The following NBEAL2 variants were observed in gnomAD, a reference collection of about 807,000 sequenced individuals.
NBEAL2 encodes the protein neurobeachin-like protein 2.
NBEAL2 carries 160 observed loss-of-function variants against 299.8 expected under a neutral mutation model. The observed-to-expected ratio is 0.53, with a 90% CI of 0.47 to 0.61. The LOEUF (loss-of-function observed/expected upper bound fraction) is 0.61. Among genes scored for constraint, NBEAL2 ranks in the 20% least tolerant of loss-of-function variants. The pLI is 0.00. For synonymous variants in NBEAL2, 1,493 were observed against 1,542.3 expected, an observed-to-expected ratio of 0.97 and a Z score of 0.75; for missense variants, 3,112 against 3,649.0, an observed-to-expected ratio of 0.85 and a Z score of 3.79.
intron 11 of NBEAL2, 71 bp downstream of exon 11, chr3:46,994,091 G>T: frequency 6.8e-7 from 1 of 1,463,066 alleles, no homozygotes. Context: ...CCCAGAACAG[G>T]CCTGGCCGGT....
chr3:47,008,212 A>T, intron 50 of NBEAL2, 26 bp downstream of exon 50: 1 of 1,613,474 alleles, frequency 6.2e-7, no homozygotes, highest in African/African-American at 1.3e-5. Context: ...TGCCCTGGGG[A>T]GGGTGAGTTT....
chr3:47,004,643 C>T lies in NBEAL2; in HGVS notation c.6294+53C>T. The T allele has an allele frequency of 1.3e-6, 2 of 1,559,210 alleles. No individual in the cohort carries two copies. Among genetic ancestry groups the T allele is most frequent in the Non-Finnish European group, 1.8e-6 (2 of 1,131,722 alleles). On this transcript the variant is annotated intron_variant, in intron 38 of 53. Coordinates refer to ENST00000450053, the MANE Select transcript of NBEAL2 (RefSeq NM_015175.3). This position sits in a 1 kb window ranked among gnomAD's most constrained non-coding sequence, Gnocchi z 5.0. ...CCCCTGCCCCTCTGACCTGTCAGCC[C>T]TTGGTTCCCCCAAGTGTAGGTACCT...
In NBEAL2 at chr3:46,988,406, C is replaced by G. The variant is rs2035829285; in HGVS notation, c.52-263C>G. Among the ~76,000 whole-genome samples the G allele has an allele frequency of 6.6e-6, 1 of 152,154 alleles. No individual in the cohort carries two copies. The highest frequency in any genetic ancestry group is 2.4e-5 in the African/African-American group (1 of 41,430). ...GGCATTAGGGAGGTGGGAGCAGAAA[C>G]TGGGAGGCTGAGAGAAGCAGTGGGG... On this transcript the variant is annotated intron_variant, in intron 1 of 53. Transcript: ENST00000450053. This position sits in a 1 kb window ranked among gnomAD's most constrained non-coding sequence, Gnocchi z 4.4.
chr3:46,999,246 G>A, intron 24 of NBEAL2, 69 bp from the exon 25 acceptor site: 2 of 1,556,128 alleles, frequency 1.3e-6, no homozygotes, highest in Non-Finnish European at 1.7e-6. Flanking sequence ...CCACACACCT[G>A]CACGGTGACT....
chr3:46,979,863 TG>T lies in NBEAL2; in HGVS notation c.4del (p.Ala2?). The T allele has an allele frequency of 2.1e-6, 1 of 468,050 alleles. No individual in the cohort carries two copies. Among genetic ancestry groups the T allele is most frequent in the Non-Finnish European group, 3.8e-6 (1 of 260,132 alleles). 29.0% of individuals were successfully genotyped at this position (468,050 alleles called of 1,614,324 possible). [M>X]AASERLYELW... ...GCAGGGCCGGAGCCGGGCCGGGCCA[TG>T]GCCGCCTCGGAGCGGCTGTACGAGT... On this transcript the variant is annotated frameshift_variant and start_lost, in exon 1 of 54. Coordinates refer to ENST00000450053, the MANE Select transcript of NBEAL2 (RefSeq NM_015175.3). LOFTEE classifies it high-confidence loss of function.
chr3:47,002,595 C>T (rs776970025), intron 32 of NBEAL2, 50 bp from the exon 33 acceptor site: 18 of 1,606,978 alleles, frequency 1.1e-5, no homozygotes, highest in South Asian at 5.5e-5. Context: ...TGTGGAGAAA[C>T]GGGTAGGGCA....
At chr3:46,994,638 G>A in intron 12 of NBEAL2, 85 bp downstream of exon 12, 1 of 1,200,814 alleles carries the variant, frequency 8.3e-7, no homozygotes, top group Non-Finnish European at 1.2e-6. Flanking sequence ...CTCCACCCTG[G>A]GGGACCGTAT....
At position 47,002,700 on chromosome 3, in the gene NBEAL2, C is replaced by G; in HGVS notation, c.5357C>G (p.Thr1786Arg). ...GCGCGCCTGGAGGGGCTACGCTACA[C>G]GGCAGTGCTGAAGCAGCAGGCAACG... ...RRARLEGLRY[T>R]AVLKQQATQH... Residue 1786 changes from threonine (T) to arginine (R), a missense_variant, in exon 33 of 54, where the codon ACG becomes AGG. Around this residue, in one of 3 missense-constraint regions of NBEAL2, gnomAD observed 2,243 missense variants for 2,538.1 expected, o/e 0.88. Transcript: ENST00000450053. 6.2e-7 allele frequency: 1 copy of G among 1,602,682 alleles called. No homozygotes were observed. The highest frequency in any genetic ancestry group is 8.5e-7 in the Non-Finnish European group (1 of 1,176,592).
rs775092129 is a variant in NBEAL2, at chr3:46,995,057, G to A, written c.1322G>A (p.Cys441Tyr). The change falls in exon 13 of 54, where the codon TGC (cysteine) becomes TAC (tyrosine). Residue 441 changes from cysteine to tyrosine, a missense_variant. By Grantham distance (194) the Cys-to-Tyr change is radical (BLOSUM62 -2). This residue lies in a region of NBEAL2 where 2,243 missense variants were observed against 2,538.1 expected (regional missense o/e 0.88). Transcript: ENST00000450053. The stretch of plus-strand genomic sequence containing the variant: ...GCTGTGGAGGGTGACCACAGCATGT[G>A]CCCACCTCCACCAATCCGCAACGAG... ...NMAVEGDHSMCPPPPIRNEQP... is the reference protein window; with the variant it reads ...NMAVEGDHSMYPPPPIRNEQP... The A allele has an allele frequency of 1.4e-5, 21 of 1,552,932 alleles. No individual in the cohort carries two copies. Among genetic ancestry groups the A allele is most frequent in the Non-Finnish European group, 1.8e-5 (21 of 1,144,580 alleles).
chr3:46,991,143 C>T lies in NBEAL2; in HGVS notation c.557-76C>T, dbSNP rs1024717514. On this transcript the variant is annotated intron_variant, in intron 6 of 53. Transcript: ENST00000450053. The surrounding 1 kb of genome is among the most constrained non-coding windows in gnomAD (Gnocchi z 6.2). ...CCTCTCCCCTCCACCCCAGGGCACT[C>T]ACCTCTTGTGCAGCCCCCTGGGTCC... The T allele has an allele frequency of 4.5e-6, 6 of 1,321,866 alleles. No homozygotes were observed. Among genetic ancestry groups the T allele is most frequent in the Admixed American group, 3.9e-5 (2 of 50,766 alleles). 81.9% of individuals were successfully genotyped at this position (1,321,866 alleles called of 1,614,324 possible).
chr3:46,979,882 G>A lies in NBEAL2; in HGVS notation c.21G>A (p.Leu7=). MAASER[L]YELWLLYYAQ... ...GGGCCATGGCCGCCTCGGAGCGGCT[G>A]TACGAGTTGTGGCTGCTCTACTACG... Residue 7 remains leucine, a synonymous_variant, in exon 1 of 54, where the codon CTG becomes CTA. Coordinates refer to ENST00000450053, the MANE Select transcript of NBEAL2 (RefSeq NM_015175.3). 1 of 470,264 alleles carries A rather than the reference G, an allele frequency of 2.1e-6. No individual in the cohort carries two copies. Among genetic ancestry groups the A allele is most frequent in the Admixed American group, 3.3e-5 (1 of 30,316 alleles). The allele number at this position is 470,264 out of a possible 1,614,324, so 29.1% of individuals were successfully genotyped here.
In NBEAL2 at chr3:46,988,744, C is replaced by T. The variant is rs1386881327; in HGVS notation, c.127C>T (p.Leu43=). 1 of 1,613,550 alleles carries T rather than the reference C, an allele frequency of 6.2e-7. No homozygotes were observed. ...AFKKSISLSS[L]EPRRPEEAGA... Reference sequence around the variant, plus strand: ...CAAGAAGAGCATCTCACTGTCCTCTCTGGAGCCACGAAGGTGAGGCTGGAT... The same window carrying T: ...CAAGAAGAGCATCTCACTGTCCTCTTTGGAGCCACGAAGGTGAGGCTGGAT... The change falls in exon 2 of 54, where the codon CTG becomes TTG. Residue 43 remains leucine (L), a synonymous_variant. Transcript: ENST00000450053. The surrounding 1 kb of genome is among the most constrained non-coding windows in gnomAD (Gnocchi z 4.4).
Position 47,000,082 on chromosome 3 carries a change from C to T in NBEAL2, c.3983C>T (p.Pro1328Leu), listed in dbSNP as rs1374628084. Residue 1328 changes from proline to leucine, a missense_variant, in exon 27 of 54, where the codon CCT becomes CTT. Pro to Leu is a moderately conservative substitution (Grantham distance 98, BLOSUM62 -3). This residue lies in a region of NBEAL2 where 2,243 missense variants were observed against 2,538.1 expected (regional missense o/e 0.88). Coordinates refer to ENST00000450053, the MANE Select transcript of NBEAL2 (RefSeq NM_015175.3). This position sits in a 1 kb window ranked among gnomAD's most constrained non-coding sequence, Gnocchi z 4.5. ...PKPPTESPAE[P>L]SDVFLPSEAP... The stretch of plus-strand genomic sequence containing the variant: ...CCACCCACTGAGTCACCTGCTGAGC[C>T]TTCAGATGTCTTCCTGCCCTCAGAG... 1 of 1,613,710 alleles carries T rather than the reference C, an allele frequency of 6.2e-7. No individual in the cohort carries two copies. Among genetic ancestry groups the T allele is most frequent in the Non-Finnish European group, 8.5e-7 (1 of 1,179,854 alleles).
Position 47,002,447 on chromosome 3 carries a change from C to A in NBEAL2, c.5228C>A (p.Ala1743Asp). Residue 1743 changes from alanine to aspartate, a missense_variant, in exon 32 of 54, where the codon GCC (alanine) becomes GAC (aspartate). Ala to Asp is a moderately radical substitution (Grantham distance 126). Transcript: ENST00000450053. Reference sequence around the variant, plus strand: ...GACCTTATGTCAGGTTTCTGGAATGCCTGCTATGACATGCTTATGAGCAGT... The same window carrying A: ...GACCTTATGTCAGGTTTCTGGAATGACTGCTATGACATGCTTATGAGCAGT... ...SHDLMSGFWN[A>D]CYDMLMSSGQ... The A allele has an allele frequency of 6.2e-7, 1 of 1,613,376 alleles. No individual in the cohort carries two copies. Among genetic ancestry groups the A allele is most frequent in the Non-Finnish European group, 8.5e-7 (1 of 1,179,904 alleles).
In NBEAL2 at chr3:47,004,450, C is replaced by G; in HGVS notation, c.6199-45C>G. 1 of 1,605,438 alleles carries G rather than the reference C, an allele frequency of 6.2e-7. No individual in the cohort carries two copies. The highest frequency in any genetic ancestry group is 8.5e-7 in the Non-Finnish European group (1 of 1,174,448). ...CGGGACCCTGAATCACGGGGCAGTG[C>G]TGGACAGCCCACCTGGCTCACATCT... On this transcript the variant is annotated intron_variant, in intron 37 of 53. Transcript: ENST00000450053. This position sits in a 1 kb window ranked among gnomAD's most constrained non-coding sequence, Gnocchi z 5.0.
In NBEAL2 at chr3:46,995,020, C is replaced by A; in HGVS notation, c.1297-12C>A. On this transcript the variant is annotated splice_polypyrimidine_tract_variant and intron_variant, in intron 12 of 53. Coordinates refer to ENST00000450053, the MANE Select transcript of NBEAL2 (RefSeq NM_015175.3). Reference sequence around the variant, plus strand: ...ACAGCTGACCAGGGACTGTCATTCTCTCCACCCACAGGCTGTGGAGGGTGA... The same window carrying A: ...ACAGCTGACCAGGGACTGTCATTCTATCCACCCACAGGCTGTGGAGGGTGA... The A allele has an allele frequency of 6.5e-7, 1 of 1,531,006 alleles. No homozygotes were observed. The allele number at this position is 1,531,006 out of a possible 1,614,324, so 94.8% of individuals were successfully genotyped here.
In NBEAL2 at chr3:47,007,117, C is replaced by T. The variant is rs746437643; in HGVS notation, c.7186C>T (p.Pro2396Ser). ...GCTAGCCCTGGTCCCCCACCGGCAGCCCCACTCCTTCATCACCCAGGGTTC... is the reference window on the plus strand; with the variant it reads ...GCTAGCCCTGGTCCCCCACCGGCAGTCCCACTCCTTCATCACCCAGGGTTC... ...LVLALVPHRQ[P>S]HSFITQGSPD... Residue 2396 changes from proline (P) to serine (S), a missense_variant, in exon 46 of 54, where the codon CCC becomes TCC. Around this residue, in one of 3 missense-constraint regions of NBEAL2, gnomAD observed 521 missense variants for 729.6 expected, o/e 0.71. Coordinates refer to ENST00000450053, the MANE Select transcript of NBEAL2 (RefSeq NM_015175.3). 13 of 1,613,588 alleles carry T rather than the reference C, an allele frequency of 8.1e-6. No homozygotes were observed. In the South Asian group the frequency reaches 1.4e-4, roughly 18 times the overall value.
In NBEAL2 at chr3:47,008,614, A is replaced by C; in HGVS notation, c.7973A>C (p.Asp2658Ala). 1 of 1,613,490 alleles carries C rather than the reference A, an allele frequency of 6.2e-7. No homozygotes were observed. Among genetic ancestry groups the C allele is most frequent in the Non-Finnish European group, 8.5e-7 (1 of 1,179,824 alleles). ...EQPTALTVTE[D>A]FVLLGTAQCA... ...CCTACAGCCCTGACGGTGACAGAGG[A>C]CTTTGTGTTGCTGGGCACCGCCCAG... The change falls in exon 52 of 54, where the codon GAC becomes GCC. Residue 2658 changes from aspartate (D) to alanine (A), a missense_variant. Asp to Ala is a moderately radical substitution (Grantham distance 126). Around this residue, in one of 3 missense-constraint regions of NBEAL2, gnomAD observed 348 missense variants for 381.4 expected, o/e 0.91. Transcript: ENST00000450053.
In NBEAL2 at chr3:46,994,555, T is replaced by C; in HGVS notation, c.1296+2T>C. 6.4e-7 allele frequency: 1 copy of C among 1,572,354 alleles called. No homozygotes were observed. Among genetic ancestry groups the C allele is most frequent in the Non-Finnish European group, 8.6e-7 (1 of 1,157,036 alleles). On this transcript the variant is annotated splice_donor_variant, in intron 12 of 53. Coordinates refer to ENST00000450053, the MANE Select transcript of NBEAL2 (RefSeq NM_015175.3). LOFTEE classifies it high-confidence loss of function. ...CTGTTGCAAGAGCTGCTCAACATGGTGAGGGAAGGGGCTTGGGACCAGGGT... is the reference window on the plus strand; with the variant it reads ...CTGTTGCAAGAGCTGCTCAACATGGCGAGGGAAGGGGCTTGGGACCAGGGT...
Sources: gnomAD v4.1 joint callset for allele counts (sites outside exome capture counted in the v4.1 genomes callset) on GRCh38, gnomAD v4.1.1 for gene constraint, gnomAD v4.1.1 regional missense constraint, Gnocchi (gnomAD v3.1) non-coding constraint, MANE v1.5 for transcripts, NCBI Gene and HGNC (gene_info 2026-07-23, HGNC 2026-07-21) for gene names.